Variants in TEX35 observed in about 807,000 individuals in gnomAD.
TEX35 encodes the protein testis expressed 35, also known as testis-expressed protein 35.
In TEX35, 26 loss-of-function variants were observed where a neutral mutation model predicts 31.9. The ratio of observed to expected loss-of-function variants is 0.81; its 90% CI spans 0.60 to 1.13. The LOEUF (loss-of-function observed/expected upper bound fraction) is 1.13, where lower values mean the gene tolerates loss of function less well. Ranked by LOEUF, TEX35 falls within the 50% of genes most tolerant of loss-of-function variation. The pLI is 0.00. For synonymous variants in TEX35, 87 were observed against 90.7 expected (o/e 0.96, Z 0.23); for missense variants, 278 against 273.5 (o/e 1.02, Z -0.12).
Position 178,516,829 on chromosome 1 carries a change from T to A in TEX35, c.276+155T>A, listed in dbSNP as rs554671193. Among the ~76,000 whole-genome samples the A allele has an allele frequency of 2.0e-5, 3 of 152,320 alleles. No homozygotes were observed. In the Middle Eastern group the frequency reaches 0.01, roughly 518 times the overall value. On this transcript the variant is annotated intron_variant, in intron 5 of 8. Coordinates refer to ENST00000319416, the MANE Select transcript of TEX35 (RefSeq NM_032126.5). ...TGCAAGCCAAATAATTAATTCGTTGTTTGCTAGTTAGGGGCTTAGAGACAT... is the reference window on the plus strand; with the variant it reads ...TGCAAGCCAAATAATTAATTCGTTGATTGCTAGTTAGGGGCTTAGAGACAT...
rs755773910 is a variant in TEX35 at position 178,521,702 on chromosome 1, T to C, written c.586+438T>C. The C allele has an allele frequency of 8.1e-5, 126 of 1,551,774 alleles. 3 individuals carry two copies. The South Asian group carries it at 1.4e-3, about 17-fold the overall frequency. On this transcript the variant is annotated intron_variant, in intron 8 of 8. Coordinates refer to ENST00000319416, the MANE Select transcript of TEX35 (RefSeq NM_032126.5). ...CTGCAGAACCTACCAGCAGTTCCGA[T>C]TCATCACCTCCAAGCTCCTTAAGAT...
chr1:178,513,936 G>C, intron 1 of TEX35, 91 bp from the exon 2 acceptor site: 1 of 1,471,162 alleles, frequency 6.8e-7, no homozygotes, highest in Non-Finnish European at 9.3e-7. Flanking sequence ...GTTGTGGGGG[G>C]CAGGGGGCAG....
intron 5 of TEX35, among the ~76,000 whole-genome samples, chr1:178,519,876 A>G (rs1163094062): frequency 6.6e-6 from 1 of 152,226 alleles, no homozygotes. Context: ...AGCGAATAAT[A>G]CGTGTGATGT....
chr1:178,513,257 G>A lies in TEX35; in HGVS notation c.39+30G>A, dbSNP rs560374333. 3.1e-6 allele frequency: 5 copies of A among 1,613,772 alleles called. No homozygotes were observed. In the South Asian group the frequency reaches 5.5e-5, roughly 18 times the overall value. The stretch of plus-strand genomic sequence containing the variant: ...AAGAGAGACATTGCTGGACAGTGTG[G>A]GTCCTCTCTGAGCTCCTACTGAATG... On this transcript the variant is annotated intron_variant, in intron 1 of 8. Coordinates refer to ENST00000319416, the MANE Select transcript of TEX35 (RefSeq NM_032126.5).
chr1:178,520,223 A>G, intron 5 of TEX35, 149 bp from the exon 6 acceptor site: 1 of 676,910 alleles, frequency 1.5e-6, no homozygotes, highest in Non-Finnish European at 2.5e-6. Flanking sequence ...GAAGCTGTAC[A>G]TGTCACGGAC....
chr1:178,516,768 C>T, intron 5 of TEX35, 94 bp downstream of exon 5: 1 of 752,346 alleles, frequency 1.3e-6, no homozygotes, highest in African/African-American at 1.8e-5. Context: ...AGCTTATTAT[C>T]TACTAGTAGT....
Position 178,522,614 on chromosome 1 carries a change from G to T in TEX35, c.*174G>T. On this transcript the variant is annotated 3_prime_UTR_variant, in exon 9 of 9. Coordinates refer to ENST00000319416, the MANE Select transcript of TEX35 (RefSeq NM_032126.5). ...CTTGTTTCATCTCTTTGCTAAGCTG[G>T]CTGCTTCTACCATCTAATAAATAAT... The T allele has an allele frequency of 7.7e-7, 1 of 1,295,752 alleles. No individual in the cohort carries two copies. The highest frequency in any genetic ancestry group is 3.5e-5 in the Admixed American group (1 of 28,506). The allele number at this position is 1,295,752 out of a possible 1,614,324, so 80.3% of individuals were successfully genotyped here. A position where few individuals can be genotyped will look rare whatever the true frequency, so the allele number is the denominator to read the frequency against.
intron 1 of TEX35, among the ~76,000 whole-genome samples, chr1:178,513,649 A>T (rs1013229650): frequency 1.3e-5 from 2 of 152,244 alleles, no homozygotes; most frequent in South Asian, 2.1e-4. Context: ...AAAATAACAG[A>T]GATAGTAGAG....
intron 8 of TEX35, chr1:178,522,053 G>A: frequency 1.5e-6 from 1 of 652,388 alleles, no homozygotes; most frequent in Non-Finnish European, 2.5e-6. Context: ...GCGGACGCCA[G>A]TCTGTGTGGT....
rs929273377 is a variant in TEX35, at chr1:178,520,304, G to A, written c.277-68G>A. ...AGTAAGATGCAGAATGGTTTGCAGA[G>A]AGGCAGGAGGAAGGTATTTCCAAAG... On this transcript the variant is annotated intron_variant, in intron 5 of 8. Transcript: ENST00000319416. 1.2e-5 allele frequency: 18 copies of A among 1,485,386 alleles called. No individual in the cohort carries two copies. The African/African-American group carries it at 2.1e-4, about 17-fold the overall frequency. The allele number at this position is 1,485,386 out of a possible 1,614,324, so 92.0% of individuals were successfully genotyped here.
intron 2 of TEX35, 172 bp downstream of exon 2, chr1:178,514,249 C>T (rs1649987258): frequency 6.6e-7 from 1 of 1,524,178 alleles, no homozygotes; most frequent in Admixed American, 2.1e-5. Context: ...CAATCAGATA[C>T]ATAAACGAAC....
At chr1:178,519,237 A>G (rs1349980914) in intron 5 of TEX35, among the ~76,000 whole-genome samples, 3 of 151,918 alleles carry the variant, frequency 2.0e-5, no homozygotes, top group Admixed American at 1.3e-4. Flanking sequence ...CTGAGGGAAA[A>G]ATAACAGTTC....
chr1:178,521,274 T>C lies in TEX35; in HGVS notation c.586+10T>C, dbSNP rs779315286. The C allele has an allele frequency of 1.2e-6, 2 of 1,614,218 alleles. No homozygotes were observed. Among genetic ancestry groups the C allele is most frequent in the Non-Finnish European group, 1.7e-6 (2 of 1,180,020 alleles). On this transcript the variant is annotated intron_variant, in intron 8 of 8. Coordinates refer to ENST00000319416, the MANE Select transcript of TEX35 (RefSeq NM_032126.5). ...AACAACTACAATCGGGGTAGGTAGA[T>C]TCATACAAGATGTGCCTTTTCTCGA...
intron 5 of TEX35, among the ~76,000 whole-genome samples, chr1:178,519,960 A>G (rs1289967310): frequency 6.6e-6 from 1 of 152,256 alleles, no homozygotes; most frequent in Non-Finnish European, 1.5e-5. Context: ...TGAAGCAAAC[A>G]TAAATATGCA....
In TEX35 at chr1:178,522,455, C is replaced by T; in HGVS notation, c.*15C>T. ...AGGGAAGGTGAAGCTTAACTGCCAGCTTGAAATGAGAGTAAAGAAGATACA... is the reference window on the plus strand; with the variant it reads ...AGGGAAGGTGAAGCTTAACTGCCAGTTTGAAATGAGAGTAAAGAAGATACA... On this transcript the variant is annotated 3_prime_UTR_variant, in exon 9 of 9. Transcript: ENST00000319416. 6.3e-7 allele frequency: 1 copy of T among 1,576,040 alleles called. No individual in the cohort carries two copies.
Position 178,516,846 on chromosome 1 carries a change from T to C in TEX35, c.276+172T>C, listed in dbSNP as rs554851267. Among the ~76,000 whole-genome samples, 104 of 152,294 alleles carry C rather than the reference T, an allele frequency of 6.8e-4. 1 individual carries two copies. Among genetic ancestry groups the C allele is most frequent in the African/African-American group, 2.4e-3 (101 of 41,552 alleles). On this transcript the variant is annotated intron_variant, in intron 5 of 8. Coordinates refer to ENST00000319416, the MANE Select transcript of TEX35 (RefSeq NM_032126.5). ...ATTCGTTGTTTGCTAGTTAGGGGCTTAGAGACATGAGAAATGAATGCGGGT... is the reference window on the plus strand; with the variant it reads ...ATTCGTTGTTTGCTAGTTAGGGGCTCAGAGACATGAGAAATGAATGCGGGT...
At chr1:178,519,800 C>G (rs1258778186) in intron 5 of TEX35, among the ~76,000 whole-genome samples, 3 of 152,204 alleles carry the variant, frequency 2.0e-5, no homozygotes, top group Non-Finnish European at 2.9e-5. Context: ...TATTTCCATT[C>G]AATTTACCCA....
chr1:178,523,130 G>T (rs1219447916), downstream of TEX35, among the ~76,000 whole-genome samples: 1 of 152,158 alleles, frequency 6.6e-6, no homozygotes, highest in Non-Finnish European at 1.5e-5. Context: ...AACGACAGGA[G>T]TTCATTCTTT....
chr1:178,522,245 C>A, intron 8 of TEX35, 80 bp from the exon 9 acceptor site: 1 of 1,486,518 alleles, frequency 6.7e-7, no homozygotes, highest in South Asian at 1.3e-5. Flanking sequence ...CTCATAGGAA[C>A]TGGGTAGCTT....
Sources: allele counts gnomAD v4.1 joint callset (sites outside exome capture counted in the v4.1 genomes callset), GRCh38; gene constraint gnomAD v4.1.1; transcripts MANE v1.5; gene names NCBI Gene and HGNC (gene_info 2026-07-23, HGNC 2026-07-21).